Variants in FAM200B observed in about 807,000 individuals in gnomAD.
FAM200B encodes the protein zinc finger BED-type containing 11.
Under a neutral mutation model 33.1 loss-of-function variants are expected in FAM200B, and 32 were observed. The observed-to-expected ratio is 0.97, with a 90% CI of 0.73 to 1.30. The LOEUF is 1.30. Ranked by LOEUF, FAM200B falls within the 50% of genes most tolerant of loss-of-function variation. The pLI is 0.00. For synonymous variants in FAM200B, 240 were observed against 264.8 expected (o/e 0.91, Z 0.91); for missense variants, 741 against 754.0 (o/e 0.98, Z 0.20).
the FAM200B span, among the ~76,000 whole-genome samples, chr4:15,650,655 GACTT>G: frequency 7.2e-6 from 1 of 138,616 alleles, no homozygotes; most frequent in Non-Finnish European, 1.5e-5. Context: ...ATTTATAACT[GACTT>G]TCTTTTTTTT....
At chr4:15,638,490 T>C in the FAM200B span, 1 of 1,537,446 alleles carries the variant, frequency 6.5e-7, no homozygotes. Context: ...AATTGTTCTT[T>C]ATATATATGA....
chr4:15,644,354 C>T, the FAM200B span: 9 of 692,762 alleles, frequency 1.3e-5, no homozygotes, highest in Admixed American at 8.5e-5. Flanking sequence ...AAATAGTCTT[C>T]CTTGCCATCT....
the FAM200B span, among the ~76,000 whole-genome samples, chr4:15,665,446 G>C: frequency 6.6e-6 from 1 of 152,040 alleles, no homozygotes; most frequent in East Asian, 1.9e-4. Flanking sequence ...GGTCTACCTT[G>C]CAGGAATTAC....
chr4:15,641,439 G>A, the FAM200B span: 2 of 357,840 alleles, frequency 5.6e-6, no homozygotes, highest in African/African-American at 4.7e-5. Context: ...AGACATTTAT[G>A]ATGATCCACT....
At chr4:15,655,933 C>G in the FAM200B span, among the ~76,000 whole-genome samples, 4 of 152,232 alleles carry the variant, frequency 2.6e-5, no homozygotes, top group Non-Finnish European at 5.9e-5. Context: ...GCTCTGAGAG[C>G]TTCGGTCCCG....
chr4:15,684,780 C>G (rs748478545), intron 1 of FAM200B: 4 of 152,210 alleles, frequency 2.6e-5, no homozygotes, highest in South Asian at 2.1e-4. Flanking sequence ...GTACCATAAA[C>G]TCTTTAGTCC....
At chr4:15,669,352 A>G in the FAM200B span, among the ~76,000 whole-genome samples, 1 of 152,212 alleles carries the variant, frequency 6.6e-6, no homozygotes, top group Non-Finnish European at 1.5e-5. Flanking sequence ...AAGGTAGAGT[A>G]AAAATACAGT....
At chr4:15,655,329 C>T in the FAM200B span, 1 of 1,348,942 alleles carries the variant, frequency 7.4e-7, no homozygotes, top group African/African-American at 1.5e-5. Flanking sequence ...GCGGCCGCCG[C>T]CTCTCCATAG....
upstream of FAM200B, among the ~76,000 whole-genome samples, chr4:15,679,303 C>T (rs950465921): frequency 1.3e-5 from 2 of 152,006 alleles, no homozygotes; most frequent in African/African-American, 4.8e-5. Flanking sequence ...CCACCCGCTT[C>T]GGCCTCTCAA....
chr4:15,654,692 T>C, the FAM200B span, among the ~76,000 whole-genome samples: 1 of 152,042 alleles, frequency 6.6e-6, no homozygotes, highest in Non-Finnish European at 1.5e-5. Flanking sequence ...GACGCTGCAG[T>C]TCCAGCCAGG....
chr4:15,688,759 A>T lies in FAM200B; in HGVS notation c.1782A>T (p.Leu594Phe). Residue 594 changes from leucine (L) to phenylalanine (F), a missense_variant, in exon 2 of 2, where the codon TTA becomes TTT. Coordinates refer to ENST00000422728, the MANE Select transcript of FAM200B (RefSeq NM_001145191.2). ...AGGTAAAGGAAGACTTTCCATTGTTAAGTAGAAAGAGTGTCCTGCTATTGC... is the reference window on the plus strand; with the variant it reads ...AGGTAAAGGAAGACTTTCCATTGTTTAGTAGAAAGAGTGTCCTGCTATTGC... Reference protein sequence around the residue: ...WMKVKEDFPLLSRKSVLLLLP... With the variant: ...WMKVKEDFPLFSRKSVLLLLP... 6.4e-7 allele frequency: 1 copy of T among 1,550,686 alleles called. No homozygotes were observed. Among genetic ancestry groups the T allele is most frequent in the African/African-American group, 1.4e-5 (1 of 73,146 alleles).
At chr4:15,652,223 A>G in the FAM200B span, among the ~76,000 whole-genome samples, 1 of 152,222 alleles carries the variant, frequency 6.6e-6, no homozygotes, top group Non-Finnish European at 1.5e-5. Context: ...TCCCAGTCTG[A>G]AAGGTCAGTG....
At chr4:15,661,418 A>C in the FAM200B span, among the ~76,000 whole-genome samples, 1 of 152,332 alleles carries the variant, frequency 6.6e-6, no homozygotes, top group South Asian at 2.1e-4. Flanking sequence ...CATGGGAAGC[A>C]CTAAATGTTA....
At chr4:15,668,438 CTT>C in the FAM200B span, among the ~76,000 whole-genome samples, 1 of 151,180 alleles carries the variant, frequency 6.6e-6, no homozygotes, top group Non-Finnish European at 1.5e-5. Flanking sequence ...CAGATTTTGA[CTT>C]TATTCAAATC....
At chr4:15,671,414 A>C in the FAM200B span, among the ~76,000 whole-genome samples, 1 of 151,944 alleles carries the variant, frequency 6.6e-6, no homozygotes, top group Non-Finnish European at 1.5e-5. Flanking sequence ...ACTGGTATTA[A>C]ACAATTTGAT....
At position 15,689,869 on chromosome 4, in the gene FAM200B, A is replaced by T. The variant is rs1290283924; in HGVS notation, c.*918A>T. On this transcript the variant is annotated 3_prime_UTR_variant, in exon 2 of 2. Coordinates refer to ENST00000422728, the MANE Select transcript of FAM200B (RefSeq NM_001145191.2). The stretch of plus-strand genomic sequence containing the variant: ...TCCTTTATTTCTTTGTTTTCCTTGT[A>T]GTATATAATTTGTAATAATTTTGAT... 7.3e-6 allele frequency: 1 copy of T among 137,628 alleles called. No homozygotes were observed. The highest frequency in any genetic ancestry group is 8.3e-5 in the Admixed American group (1 of 12,034). The allele number at this position is 137,628 out of a possible 1,614,324, so 8.5% of individuals were successfully genotyped here.
chr4:15,647,512 C>A, the FAM200B span, among the ~76,000 whole-genome samples: 4 of 152,144 alleles, frequency 2.6e-5, no homozygotes. Flanking sequence ...AATGCCCTAA[C>A]ATGAGTTAAG....
At chr4:15,638,248 G>T in the FAM200B span, among the ~76,000 whole-genome samples, 1 of 152,104 alleles carries the variant, frequency 6.6e-6, no homozygotes, top group South Asian at 2.1e-4. Context: ...CAATAATTTT[G>T]ATTCATTCAT....
At chr4:15,641,149 T>C in the FAM200B span, among the ~76,000 whole-genome samples, 1 of 152,160 alleles carries the variant, frequency 6.6e-6, no homozygotes, top group South Asian at 2.1e-4. Flanking sequence ...TATTGATGTA[T>C]ATATAAATTA....
Sources: allele counts gnomAD v4.1 joint callset (sites outside exome capture counted in the v4.1 genomes callset), GRCh38; gene constraint gnomAD v4.1.1; transcripts MANE v1.5; gene names NCBI Gene and HGNC (gene_info 2026-07-23, HGNC 2026-07-21).